SPTLC2: variants seen among roughly 807,000 people sequenced by gnomAD.
SPTLC2 encodes the protein serine palmitoyltransferase long chain base subunit 2, also known as serine palmitoyltransferase 2.
SPTLC2 carries 21 observed loss-of-function variants against 62.0 expected under a neutral mutation model. That is an observed-to-expected ratio of 0.34 (90% CI 0.24 to 0.49). The LOEUF is 0.49. SPTLC2 is among the 20% of genes least tolerant of loss of function. The pLI, the probability that SPTLC2 is intolerant of heterozygous loss-of-function variation, is 0.99. For synonymous variants in SPTLC2, 261 were observed against 261.8 expected (o/e 1.00, Z 0.03); for missense variants, 511 against 713.0 (o/e 0.72, Z 3.23).
chr14:77,603,854 T>C (rs900476058), intron 1 of SPTLC2, among the ~76,000 whole-genome samples: 4 of 152,212 alleles, frequency 2.6e-5, no homozygotes, highest in African/African-American at 9.7e-5. Context: ...GTAACACTTT[T>C]CCATCTCTAG....
chr14:77,593,374 C>T (rs1383435338), intron 2 of SPTLC2, among the ~76,000 whole-genome samples: 1 of 152,046 alleles, frequency 6.6e-6, no homozygotes, highest in Non-Finnish European at 1.5e-5. Context: ...AACTCCTGGC[C>T]TTGAGTGATC....
At chr14:77,563,099 C>A (rs1478782328) in intron 5 of SPTLC2, among the ~76,000 whole-genome samples, 1 of 144,726 alleles carries the variant, frequency 6.9e-6, no homozygotes, top group Non-Finnish European at 1.5e-5. Context: ...TTTTTTTTCA[C>A]TGCAGTTCTT....
At chr14:77,597,784 A>G (rs1290171851) in intron 1 of SPTLC2, among the ~76,000 whole-genome samples, 2 of 150,504 alleles carry the variant, frequency 1.3e-5, no homozygotes, top group Non-Finnish European at 3.0e-5. Context: ...AAAAAAAAAA[A>G]GGAATTTTCT....
In SPTLC2 at chr14:77,545,538, G is replaced by A. The variant is rs139890103; in HGVS notation, c.1303+6558C>T. ...CCCGCCTCAGCTTCCCAAAGTGCTG[G>A]GATTACAGGCGTGAGCCATCGTGCC... On this transcript the variant is annotated intron_variant, in intron 9 of 11. Transcript: ENST00000216484. 6.5e-3 allele frequency among the ~76,000 whole-genome samples: 994 copies of A among 152,238 alleles called. 9 individuals carry two copies. The highest frequency in any genetic ancestry group is 0.022 in the African/African-American group (915 of 41,534).
intron 5 of SPTLC2, among the ~76,000 whole-genome samples, chr14:77,566,950 CAATT>C (rs1250416762): frequency 6.6e-6 from 1 of 152,018 alleles, no homozygotes; most frequent in East Asian, 1.9e-4. Flanking sequence ...AATAATATTT[CAATT>C]ATAGTTTGAT....
chr14:77,526,934 G>A (rs2079411819), intron 9 of SPTLC2, among the ~76,000 whole-genome samples: 1 of 150,614 alleles, frequency 6.6e-6, no homozygotes, highest in Admixed American at 6.6e-5. Context: ...AGCTGGGACT[G>A]CAGCAACCCG....
At chr14:77,541,155 A>G (rs1235671891) in intron 9 of SPTLC2, among the ~76,000 whole-genome samples, 1 of 151,986 alleles carries the variant, frequency 6.6e-6, no homozygotes, top group African/African-American at 2.4e-5. Context: ...CAGCACCTCA[A>G]GTAGCTGGGA....
Position 77,610,068 on chromosome 14 carries a change from C to T in SPTLC2, c.132+6380G>A, listed in dbSNP as rs149162405. ...TATCAGGATTCTAATTTCTCTATAT[C>T]CTCATGAACACTTAATACCTGGTTT... On this transcript the variant is annotated intron_variant, in intron 1 of 11. Transcript: ENST00000216484. Among the ~76,000 whole-genome samples, 73 of 152,264 alleles carry T rather than the reference C, an allele frequency of 4.8e-4. 1 individual carries two copies. The East Asian group carries it at 0.014, about 29-fold the overall frequency.
At position 77,510,128 on chromosome 14, in the gene SPTLC2, T is replaced by C. The variant is rs1309034528; in HGVS notation, c.*2156A>G. On this transcript the variant is annotated 3_prime_UTR_variant, in exon 12 of 12. Coordinates refer to ENST00000216484, the MANE Select transcript of SPTLC2 (RefSeq NM_004863.4). ...AATGTATTTGATTTTATAGGACTCCTATTTAGTTACCACAACCTCCTTCTT... is the reference window on the plus strand; with the variant it reads ...AATGTATTTGATTTTATAGGACTCCCATTTAGTTACCACAACCTCCTTCTT... 1 of 393,764 alleles carries C rather than the reference T, an allele frequency of 2.5e-6. No individual in the cohort carries two copies. Among genetic ancestry groups the C allele is most frequent in the Non-Finnish European group, 4.5e-6 (1 of 223,726 alleles). 24.4% of individuals were successfully genotyped at this position (393,764 alleles called of 1,614,324 possible). A position where few individuals can be genotyped will look rare whatever the true frequency, so the allele number is the denominator to read the frequency against.
chr14:77,528,412 G>A (rs1411987386), intron 9 of SPTLC2, among the ~76,000 whole-genome samples: 1 of 152,018 alleles, frequency 6.6e-6, no homozygotes, highest in Non-Finnish European at 1.5e-5. Flanking sequence ...CGTATTTTTA[G>A]TAGAGACGGG....
chr14:77,590,489 T>A (rs1401660224), intron 2 of SPTLC2, among the ~76,000 whole-genome samples: 2 of 152,124 alleles, frequency 1.3e-5, no homozygotes, highest in Non-Finnish European at 2.9e-5. Context: ...GGTGGGCAGA[T>A]AGATAAACAT....
At chr14:77,576,579 A>G (rs1343920544) in intron 4 of SPTLC2, among the ~76,000 whole-genome samples, 188 bp downstream of exon 4, 2 of 152,248 alleles carry the variant, frequency 1.3e-5, no homozygotes, top group Non-Finnish European at 2.9e-5. Context: ...AAAGATAAAC[A>G]CATCTCAAAA....
chr14:77,579,210 T>TA (rs2079734182), intron 2 of SPTLC2, 101 bp from the exon 3 acceptor site: 1 of 1,239,898 alleles, frequency 8.1e-7, no homozygotes, highest in Non-Finnish European at 1.1e-6. Context: ...ATTTATGGGG[T>TA]ATAAGGGCAA....
rs370209646 is a variant in SPTLC2, at chr14:77,512,305, C to T, written c.1668G>A (p.Thr556=). The T allele has an allele frequency of 7.0e-5, 113 of 1,614,020 alleles. 1 individual carries two copies. The highest frequency in any genetic ancestry group is 9.0e-5 in the Non-Finnish European group (106 of 1,180,040). ...PLLDRPFDET[T]YEETED ...AGGCTCAGTCTTCTGTTTCTTCATACGTCGTCTCGTCAAAGGGCCTGTCCA... is the reference window on the plus strand; with the variant it reads ...AGGCTCAGTCTTCTGTTTCTTCATATGTCGTCTCGTCAAAGGGCCTGTCCA... The change falls in exon 12 of 12, where the codon ACG becomes ACA. Residue 556 remains threonine (T), a synonymous_variant. Coordinates refer to ENST00000216484, the MANE Select transcript of SPTLC2 (RefSeq NM_004863.4).
At chr14:77,545,408 AG>A (rs1417698246) in intron 9 of SPTLC2, among the ~76,000 whole-genome samples, 1 of 152,030 alleles carries the variant, frequency 6.6e-6, no homozygotes, top group African/African-American at 2.4e-5. Flanking sequence ...CTGGGATTGC[AG>A]GCATGCGCCA....
chr14:77,512,070 C>A lies in SPTLC2; in HGVS notation c.*214G>T. 1 of 616,832 alleles carries A rather than the reference C, an allele frequency of 1.6e-6. No individual in the cohort carries two copies. Among genetic ancestry groups the A allele is most frequent in the Non-Finnish European group, 2.8e-6 (1 of 357,524 alleles). The allele number at this position is 616,832 out of a possible 1,614,324, so 38.2% of individuals were successfully genotyped here. ...CTGAAAAAGCAAAGTGAGTCACCTT[C>A]GTTTTTAAAGGTGAGATTTAGCAAA... On this transcript the variant is annotated 3_prime_UTR_variant, in exon 12 of 12. Transcript: ENST00000216484.
intron 9 of SPTLC2, among the ~76,000 whole-genome samples, chr14:77,529,982 C>G (rs935951933): frequency 6.6e-6 from 1 of 152,070 alleles, no homozygotes; most frequent in Non-Finnish European, 1.5e-5. Context: ...CCTGATAAGA[C>G]AGTACTTTAT....
At chr14:77,591,600 G>T (rs2079816866) in intron 2 of SPTLC2, among the ~76,000 whole-genome samples, 1 of 152,038 alleles carries the variant, frequency 6.6e-6, no homozygotes, top group Non-Finnish European at 1.5e-5. Context: ...TCGCTCCATT[G>T]TCCAGGGTGG....
Position 77,509,508 on chromosome 14 carries a change from G to C in SPTLC2, c.*2776C>G, listed in dbSNP as rs1213548043. Reference sequence around the variant, plus strand: ...AGGACTAGTCACACCTCTATCAATCGACTCAGATGATCAGTTTTGGTAGTC... The same window carrying C: ...AGGACTAGTCACACCTCTATCAATCCACTCAGATGATCAGTTTTGGTAGTC... On this transcript the variant is annotated 3_prime_UTR_variant, in exon 12 of 12. Transcript: ENST00000216484. 1 of 183,234 alleles carries C rather than the reference G, an allele frequency of 5.5e-6. No homozygotes were observed. Among genetic ancestry groups the C allele is most frequent in the East Asian group, 1.3e-4 (1 of 7,518 alleles). The allele number at this position is 183,234 out of a possible 1,614,324, so 11.4% of individuals were successfully genotyped here. A position where few individuals can be genotyped will look rare whatever the true frequency, so the allele number is the denominator to read the frequency against.
Sources: allele counts gnomAD v4.1 joint callset (sites outside exome capture counted in the v4.1 genomes callset), GRCh38; gene constraint gnomAD v4.1.1; transcripts MANE v1.5; gene names NCBI Gene and HGNC (gene_info 2026-07-23, HGNC 2026-07-21).